Variants in SEL1L3 observed in about 807,000 individuals in gnomAD.
SEL1L3 encodes protein sel-1 homolog 3.
In SEL1L3, 76 loss-of-function variants were observed where a neutral mutation model predicts 142.8. That is an observed-to-expected ratio of 0.53 (90% CI 0.44 to 0.64). The LOEUF (loss-of-function observed/expected upper bound fraction) is 0.64, where lower values mean the gene tolerates loss of function less well. Ranked by LOEUF, SEL1L3 falls within the 30% of genes least tolerant of loss-of-function variation. The pLI is 0.00. For synonymous variants in SEL1L3, 504 were observed against 519.6 expected (o/e 0.97, Z 0.41); for missense variants, 1,262 against 1,381.7 (o/e 0.91, Z 1.37).
intron 1 of SEL1L3, among the ~76,000 whole-genome samples, chr4:25,859,837 C>A (rs186277743): frequency 1.3e-5 from 2 of 152,206 alleles, no homozygotes; most frequent in Non-Finnish European, 2.9e-5. Flanking sequence ...ACTTTAACAT[C>A]CTGCTTCTAT....
Position 25,819,971 on chromosome 4 carries a change from A to T in SEL1L3, c.1291-31T>A, listed in dbSNP as rs199968825. On this transcript the variant is annotated intron_variant, in intron 7 of 23. Coordinates refer to ENST00000399878, the MANE Select transcript of SEL1L3 (RefSeq NM_015187.5). ...AGAAGGCAAGAAAGTCAAATGAACA[A>T]CAATTGTCATCAAATATCCATCCAC... The T allele has an allele frequency of 8.3e-4, 1,323 of 1,596,162 alleles. 2 individuals are homozygous for T. Among genetic ancestry groups the T allele is most frequent in the Non-Finnish European group, 1.0e-3 (1,213 of 1,170,106 alleles).
chr4:25,760,549 C>T (rs939356074), intron 20 of SEL1L3, among the ~76,000 whole-genome samples: 6 of 152,284 alleles, frequency 3.9e-5, no homozygotes, highest in African/African-American at 4.8e-5. Context: ...GCAACCTCAC[C>T]GGCACCTGTT....
chr4:25,818,505 T>C (rs1267784674), intron 8 of SEL1L3, among the ~76,000 whole-genome samples: 1 of 152,180 alleles, frequency 6.6e-6, no homozygotes, highest in Non-Finnish European at 1.5e-5. Context: ...TGTTGAATAA[T>C]TCTACAGAAT....
chr4:25,840,409 C>T (rs1269768469), intron 2 of SEL1L3, among the ~76,000 whole-genome samples: 1 of 151,956 alleles, frequency 6.6e-6, no homozygotes, highest in Non-Finnish European at 1.5e-5. Flanking sequence ...TTCACAAAGA[C>T]AAGTCAAGGC....
chr4:25,860,123 A>G (rs2109330319), intron 1 of SEL1L3, among the ~76,000 whole-genome samples: 1 of 152,362 alleles, frequency 6.6e-6, no homozygotes, highest in African/African-American at 2.4e-5. Context: ...TCTCATCTAA[A>G]TGGAGATTAT....
chr4:25,786,232 C>A (rs1045836196), intron 13 of SEL1L3, among the ~76,000 whole-genome samples: 1 of 152,186 alleles, frequency 6.6e-6, no homozygotes, highest in Admixed American at 6.5e-5. Context: ...CCCACACAGT[C>A]AAATGCACGT....
rs113768934 is a variant in SEL1L3, at chr4:25,812,179, CG to C, written c.1564+5958del. Among the ~76,000 whole-genome samples, 1,479 of 152,292 alleles carry C rather than the reference CG, an allele frequency of 9.7e-3. 25 individuals are homozygous for C. Among genetic ancestry groups the C allele is most frequent in the African/African-American group, 0.034 (1,399 of 41,550 alleles). The stretch of plus-strand genomic sequence containing the variant: ...CCTTCTTCTATATGACCACACATGG[CG>C]TGTTTGTGCCCCATACTCACCAAAG... On this transcript the variant is annotated intron_variant, in intron 9 of 23. Transcript: ENST00000399878.
chr4:25,756,258 GT>G (rs1368638990), intron 23 of SEL1L3: 6 of 985,334 alleles, frequency 6.1e-6, no homozygotes, highest in Non-Finnish European at 7.2e-6. Context: ...TAAAAAATCA[GT>G]TTTCTTGTCT....
chr4:25,812,748 C>T (rs1457002837), intron 9 of SEL1L3, among the ~76,000 whole-genome samples: 1 of 149,648 alleles, frequency 6.7e-6, no homozygotes, highest in Non-Finnish European at 1.5e-5. Flanking sequence ...TGCAGTGGCT[C>T]ATGCCTATAA....
chr4:25,719,724 T>C, the SEL1L3 span: 2 of 152,292 alleles, frequency 1.3e-5, no homozygotes, highest in South Asian at 2.1e-4. Flanking sequence ...AGTGTAATTG[T>C]TGGAACAATA....
At chr4:25,856,067 T>C (rs1337313166) in intron 1 of SEL1L3, among the ~76,000 whole-genome samples, 1 of 152,194 alleles carries the variant, frequency 6.6e-6, no homozygotes, top group Non-Finnish European at 1.5e-5. Flanking sequence ...TGGGGCAAAC[T>C]TCTCCCAGCT....
intron 11 of SEL1L3, among the ~76,000 whole-genome samples, chr4:25,796,439 A>G (rs1311908450): frequency 6.6e-6 from 1 of 151,180 alleles, no homozygotes; most frequent in East Asian, 1.9e-4. Flanking sequence ...AAATTAAAGA[A>G]AAAAAAAATA....
chr4:25,739,963 TAA>T, the SEL1L3 span, among the ~76,000 whole-genome samples: 5 of 151,974 alleles, frequency 3.3e-5, no homozygotes, highest in Admixed American at 3.3e-4. Context: ...ATTAATTAAT[TAA>T]TTAATTTATT....
At chr4:25,839,061 G>T (rs747634326) in intron 2 of SEL1L3, among the ~76,000 whole-genome samples, 1 of 152,198 alleles carries the variant, frequency 6.6e-6, no homozygotes, top group African/African-American at 2.4e-5. Context: ...AGCAAAATCT[G>T]CGGGGAAAGA....
At chr4:25,790,407 G>T in intron 12 of SEL1L3, 48 bp downstream of exon 12, 2 of 1,590,578 alleles carry the variant, frequency 1.3e-6, no homozygotes, top group Non-Finnish European at 1.7e-6. Flanking sequence ...GTATAACCCA[G>T]TCTATCATGG....
chr4:25,863,421 C>G (rs1421969057), upstream of SEL1L3: 1 of 698,936 alleles, frequency 1.4e-6, no homozygotes, highest in Non-Finnish European at 2.6e-6. Flanking sequence ...CGCATTCTTC[C>G]TCTCCCACCC....
chr4:25,850,913 C>G (rs972438259), intron 1 of SEL1L3, among the ~76,000 whole-genome samples: 2 of 151,744 alleles, frequency 1.3e-5, no homozygotes, highest in African/African-American at 2.4e-5. Context: ...TGCAGTGACG[C>G]AATCTCGGCT....
rs151327485 is a variant in SEL1L3 at position 25,804,434 on chromosome 4, G to C, written c.1776+107C>G. 6,807 of 786,706 alleles carry C rather than the reference G, an allele frequency of 8.7e-3. 58 individuals carry two copies. The highest frequency in any genetic ancestry group is 0.01 in the Non-Finnish European group (4,789 of 470,976). 48.7% of individuals were successfully genotyped at this position (786,706 alleles called of 1,614,324 possible). The stretch of plus-strand genomic sequence containing the variant: ...TATCTTGAGTGTAAAGATTTTTAAA[G>C]GTCTCCAAGGAGCTGCAACATGTCC... On this transcript the variant is annotated intron_variant, in intron 10 of 23. Transcript: ENST00000399878.
Position 25,818,213 on chromosome 4 carries a change from A to G in SEL1L3, c.1489T>C (p.Phe497Leu). 2 of 1,605,950 alleles carry G rather than the reference A, an allele frequency of 1.2e-6. No individual in the cohort carries two copies. Among genetic ancestry groups the G allele is most frequent in the Non-Finnish European group, 1.7e-6 (2 of 1,176,186 alleles). The part of the protein sequence containing the change: ...RYGRPSMCRA[F>L]PWEKELKDKH... ...TCTTTCAGCTCCTTCTCCCAGGGGA[A>G]GGCTCTGCACATCGAGGGTCTCCCA... The change falls in exon 9 of 24, where the codon TTC becomes CTC. Residue 497 changes from phenylalanine to leucine, a missense_variant. Phe to Leu is a conservative substitution (Grantham distance 22). Transcript: ENST00000399878.
Sources: allele counts gnomAD v4.1 joint callset (sites outside exome capture counted in the v4.1 genomes callset), GRCh38; gene constraint gnomAD v4.1.1; transcripts MANE v1.5; gene names NCBI Gene and HGNC (gene_info 2026-07-23, HGNC 2026-07-21).